CCSER2: variants seen among roughly 807,000 people sequenced by gnomAD.
CCSER2 encodes the protein coiled-coil serine rich protein 2, also known as serine-rich coiled-coil domain-containing protein 2.
Under a neutral mutation model 92.3 loss-of-function variants are expected in CCSER2, and 46 were observed. The observed-to-expected ratio is 0.50, with a 90% confidence interval of 0.39 to 0.64. CCSER2 has a LOEUF of 0.64. Among genes scored for constraint, CCSER2 ranks in the 30% least tolerant of loss-of-function variants. The pLI is 0.00. For missense variants in CCSER2, 1,244 were observed against 1,238.9 expected (o/e 1.00, Z -0.06); for synonymous variants, 433 against 431.4 (o/e 1.00, Z -0.04).
chr10:84,359,203 G>A (rs533607600), intron 1 of CCSER2, among the ~76,000 whole-genome samples: 1 of 152,170 alleles, frequency 6.6e-6, no homozygotes, highest in African/African-American at 2.4e-5. Flanking sequence ...GTTAATTCAG[G>A]CATTACTGTA....
chr10:84,353,646 A>G (rs914212876), intron 1 of CCSER2, among the ~76,000 whole-genome samples: 4 of 152,098 alleles, frequency 2.6e-5, no homozygotes, highest in Non-Finnish European at 4.4e-5. Flanking sequence ...TGCAATTAGC[A>G]TGGCTACCAC....
At chr10:84,422,119 C>G (rs957869864) in intron 4 of CCSER2, among the ~76,000 whole-genome samples, 4 of 152,160 alleles carry the variant, frequency 2.6e-5, no homozygotes, top group African/African-American at 9.7e-5. Flanking sequence ...GAGAGGAATT[C>G]TGGTTTCTGT....
At chr10:84,368,617 CG>C (rs1845905732) in intron 1 of CCSER2, among the ~76,000 whole-genome samples, 1 of 151,940 alleles carries the variant, frequency 6.6e-6, no homozygotes, top group African/African-American at 2.4e-5. Flanking sequence ...TAAGGTTTTT[CG>C]AATGTCTTCT....
chr10:84,476,074 A>C (rs1202593015), intron 8 of CCSER2, among the ~76,000 whole-genome samples: 1 of 152,086 alleles, frequency 6.6e-6, no homozygotes, highest in Non-Finnish European at 1.5e-5. Context: ...GGGCCCAAGC[A>C]ATCCGCCAGC....
At chr10:84,461,452 A>T (rs1017971722) in intron 6 of CCSER2, among the ~76,000 whole-genome samples, 1 of 152,062 alleles carries the variant, frequency 6.6e-6, no homozygotes, top group Admixed American at 6.6e-5. Flanking sequence ...TACTGTCCGC[A>T]TATGTTCCTG....
intron 3 of CCSER2, among the ~76,000 whole-genome samples, chr10:84,395,469 A>G (rs1841779327): frequency 6.6e-6 from 1 of 152,080 alleles, no homozygotes; most frequent in African/African-American, 2.4e-5. Context: ...GTAATTAAAT[A>G]TTTTTCAATT....
chr10:84,483,995 ATAAT>A (rs1847643297), intron 9 of CCSER2, among the ~76,000 whole-genome samples: 8 of 72,334 alleles, frequency 1.1e-4, no homozygotes, highest in Admixed American at 1.5e-4. Context: ...ATATATATAT[ATAAT>A]TTTTTTTTTT....
At chr10:84,378,319 A>G (rs1418249177) in intron 3 of CCSER2, among the ~76,000 whole-genome samples, 1 of 151,858 alleles carries the variant, frequency 6.6e-6, no homozygotes, top group Non-Finnish European at 1.5e-5. Context: ...CAAATAGTAA[A>G]CTACCTTTCC....
intron 3 of CCSER2, among the ~76,000 whole-genome samples, chr10:84,375,508 C>A (rs1339094847): frequency 2.1e-5 from 3 of 145,050 alleles, no homozygotes; most frequent in South Asian, 4.3e-4. Context: ...AAATTTTAGG[C>A]GTGTACCTGT....
chr10:84,478,710 T>C (rs1847294244), intron 9 of CCSER2, among the ~76,000 whole-genome samples: 1 of 152,208 alleles, frequency 6.6e-6, no homozygotes, highest in Non-Finnish European at 1.5e-5. Context: ...CCTCTGTTTA[T>C]AAGTACTTCT....
chr10:84,418,406 A>G (rs1407489828), intron 4 of CCSER2, among the ~76,000 whole-genome samples: 1 of 152,144 alleles, frequency 6.6e-6, no homozygotes, highest in Non-Finnish European at 1.5e-5. Context: ...TTTTCACTCC[A>G]GTGACATAGC....
intron 9 of CCSER2, among the ~76,000 whole-genome samples, chr10:84,497,550 A>C (rs1403498025): frequency 6.6e-6 from 1 of 152,236 alleles, no homozygotes; most frequent in Non-Finnish European, 1.5e-5. Context: ...TTAGGTGGTT[A>C]TAGTGTGTGG....
At chr10:84,403,246 A>T (rs531644897) in intron 3 of CCSER2, among the ~76,000 whole-genome samples, 1 of 152,300 alleles carries the variant, frequency 6.6e-6, no homozygotes, top group East Asian at 1.9e-4. Flanking sequence ...AAACAAAGTA[A>T]AACAAAATAA....
At chr10:84,455,715 C>A in intron 6 of CCSER2, 1 of 805,056 alleles carries the variant, frequency 1.2e-6, no homozygotes, top group South Asian at 1.3e-5. Context: ...ACCAAAAGAT[C>A]AAATGACCTC....
chr10:84,408,950 AAAAT>A (rs1327064297), intron 3 of CCSER2, among the ~76,000 whole-genome samples: 4 of 152,220 alleles, frequency 2.6e-5, no homozygotes, highest in African/African-American at 9.6e-5. Context: ...GTAAATCAAA[AAAAT>A]AAAAATCTCA....
chr10:84,425,762 A>G lies in CCSER2; in HGVS notation c.1737A>G (p.Arg579=). Residue 579 remains arginine, a synonymous_variant, in exon 5 of 10, where the codon CGA becomes CGG. Coordinates refer to ENST00000372088, the MANE Select transcript of CCSER2 (RefSeq NM_001284240.2). ...GTGACAATATGAACCGCTTTGACCGACCAGACAGAAATGTTCGGCAGCCTC... is the reference window on the plus strand; with the variant it reads ...GTGACAATATGAACCGCTTTGACCGGCCAGACAGAAATGTTCGGCAGCCTC... ...VECDNMNRFD[R]PDRNVRQPQE... is the part of the protein sequence containing the mutation. The G allele has an allele frequency of 6.2e-7, 1 of 1,613,518 alleles. No homozygotes were observed. Among genetic ancestry groups the G allele is most frequent in the South Asian group, 1.1e-5 (1 of 91,000 alleles).
At chr10:84,393,250 A>G (rs1298359930) in intron 3 of CCSER2, among the ~76,000 whole-genome samples, 1 of 152,144 alleles carries the variant, frequency 6.6e-6, no homozygotes, top group Non-Finnish European at 1.5e-5. Flanking sequence ...TACCTGTGCA[A>G]AATCTTTGCC....
chr10:84,353,175 C>G (rs901703943), intron 1 of CCSER2, among the ~76,000 whole-genome samples: 1 of 152,178 alleles, frequency 6.6e-6, no homozygotes, highest in Non-Finnish European at 1.5e-5. Context: ...AGGGCCCTGA[C>G]AGTCATGTTC....
chr10:84,503,000 G>A (rs191145572), intron 9 of CCSER2, among the ~76,000 whole-genome samples: 5 of 152,144 alleles, frequency 3.3e-5, no homozygotes, highest in Non-Finnish European at 7.4e-5. Flanking sequence ...CGAGGCAGGC[G>A]GATCACGAGG....
Sources: allele counts gnomAD v4.1 joint callset (sites outside exome capture counted in the v4.1 genomes callset), GRCh38; gene constraint gnomAD v4.1.1; transcripts MANE v1.5; gene names NCBI Gene and HGNC (gene_info 2026-07-23, HGNC 2026-07-21).